The following ABCB5 variants were observed in gnomAD, a reference collection of about 807,000 sequenced individuals.
ABCB5 encodes ATP-binding cassette sub-family B member 5.
ABCB5 carries 155 observed loss-of-function variants against 144.2 expected under a neutral mutation model. That is an observed-to-expected ratio of 1.08 (90% CI 0.94 to 1.23). The LOEUF (loss-of-function observed/expected upper bound fraction) is 1.23, where lower values mean the gene tolerates loss of function less well. ABCB5 is among the 50% of genes most tolerant of loss of function. ABCB5 has a pLI of 0.00. For synonymous variants in ABCB5, 610 were observed against 528.6 expected, an observed-to-expected ratio of 1.15 and a Z score of -2.11; for missense variants, 1,830 against 1,520.8, an observed-to-expected ratio of 1.20 and a Z score of -3.38.
chr7:20,651,143 T>A lies in ABCB5; in HGVS notation c.1333-277T>A, dbSNP rs550494038. 2.4e-4 allele frequency among the ~76,000 whole-genome samples: 37 copies of A among 152,252 alleles called. 1 individual carries two copies. The highest frequency in any genetic ancestry group is 2.3e-3 in the Admixed American group (35 of 15,288). On this transcript the variant is annotated intron_variant, in intron 12 of 27. Transcript: ENST00000404938. ...TAACATTTGCGGAACCTAGAGTATGTATCTTTATAATATCTAACTTGTGGA... is the reference window on the plus strand; with the variant it reads ...TAACATTTGCGGAACCTAGAGTATGAATCTTTATAATATCTAACTTGTGGA...
Position 20,742,912 on chromosome 7 carries a change from CTCTT to C in ABCB5, c.3065_3068del (p.Phe1022SerfsTer24). On this transcript the variant is annotated frameshift_variant, in exon 25 of 28. Coordinates refer to ENST00000404938, the MANE Select transcript of ABCB5 (RefSeq NM_001163941.2). LOFTEE classifies it high-confidence loss of function. ...AAGGGAATTTAGAGTTTCGAGAAGT[CTCTT>C]TCTTCTATCCATGTCGCCCAGATGT... 5 of 1,614,196 alleles carry C rather than the reference CTCTT, an allele frequency of 3.1e-6. No homozygotes were observed. Among genetic ancestry groups the C allele is most frequent in the Non-Finnish European group, 4.2e-6 (5 of 1,180,042 alleles).
chr7:20,695,260 G>A (rs1215188908), intron 16 of ABCB5, among the ~76,000 whole-genome samples: 1 of 151,804 alleles, frequency 6.6e-6, no homozygotes, highest in Non-Finnish European at 1.5e-5. Context: ...CTGAGAAGTA[G>A]TCCCACACAT....
intron 3 of ABCB5, among the ~76,000 whole-genome samples, chr7:20,628,183 G>A (rs943674935): frequency 4.1e-5 from 6 of 146,886 alleles, no homozygotes; most frequent in East Asian, 2.2e-4. Flanking sequence ...AACAGGCCCC[G>A]GTGTGTGATG....
intron 14 of ABCB5, among the ~76,000 whole-genome samples, chr7:20,669,723 T>TAAAA (rs35747177): frequency 6.1e-5 from 4 of 65,502 alleles, no homozygotes; most frequent in Non-Finnish European, 9.6e-5. Flanking sequence ...GAATGATCAA[T>TAAAA]AAAAAAAAAA....
chr7:20,681,010 CTT>C (rs1244401038), intron 14 of ABCB5, among the ~76,000 whole-genome samples: 254 of 6,544 alleles, frequency 0.039, 15 homozygotes, highest in African/African-American at 0.14. Flanking sequence ...TTCTTTCTTT[CTT>C]TCTTTCTTTC....
At position 20,738,123 on chromosome 7, in the gene ABCB5, T is replaced by C. The variant is rs1361262481; in HGVS notation, c.2868-860T>C. On this transcript the variant is annotated intron_variant, in intron 23 of 27. Transcript: ENST00000404938. ...GCACTGCAAACAAGCAACTGGGTTC[T>C]GTGATGACCCTTTACTGCCTAATGT... is the stretch of plus-strand genomic sequence containing the variant. Among the ~76,000 whole-genome samples the C allele has an allele frequency of 3.3e-5, 5 of 152,204 alleles. 1 individual carries two copies. Among genetic ancestry groups the C allele is most frequent in the African/African-American group, 1.2e-4 (5 of 41,458 alleles).
At chr7:20,623,368 C>T (rs765571226) in intron 2 of ABCB5, 30 bp downstream of exon 2, 1 of 1,494,982 alleles carries the variant, frequency 6.7e-7, no homozygotes. Context: ...TGTAAGTATG[C>T]TTCCACAACT....
At chr7:20,750,276 CTTGGCTCAAGA>C (rs902753705) in intron 26 of ABCB5, among the ~76,000 whole-genome samples, 30 of 152,104 alleles carry the variant, frequency 2.0e-4, no homozygotes, top group African/African-American at 5.3e-4. Context: ...ATCAACAGGA[CTTGGCTCAAGA>C]TTGTTTCTGG....
intron 13 of ABCB5, among the ~76,000 whole-genome samples, chr7:20,652,211 T>G (rs531732335): frequency 6.6e-6 from 1 of 152,280 alleles, no homozygotes; most frequent in South Asian, 2.1e-4. Context: ...ATTGGTTCTG[T>G]GACAAACCAC....
At chr7:20,731,580 T>C (rs1053031115) in intron 23 of ABCB5, among the ~76,000 whole-genome samples, 1 of 151,972 alleles carries the variant, frequency 6.6e-6, no homozygotes, top group Non-Finnish European at 1.5e-5. Flanking sequence ...CACAAGACCC[T>C]TATCCAATTA....
chr7:20,683,437 G>T (rs1785889664), intron 15 of ABCB5, among the ~76,000 whole-genome samples: 1 of 152,070 alleles, frequency 6.6e-6, no homozygotes, highest in African/African-American at 2.4e-5. Flanking sequence ...GAAATAACTG[G>T]TCGAATTAAG....
chr7:20,696,654 T>G (rs1786425456), intron 16 of ABCB5, among the ~76,000 whole-genome samples: 2 of 152,106 alleles, frequency 1.3e-5, no homozygotes, highest in African/African-American at 2.4e-5. Context: ...AGATATCACT[T>G]TTTAACTTTT....
intron 5 of ABCB5, among the ~76,000 whole-genome samples, chr7:20,637,623 T>C (rs1417877512): frequency 6.6e-6 from 1 of 152,160 alleles, no homozygotes; most frequent in African/African-American, 2.4e-5. Context: ...GTTCTCCATG[T>C]TGGTCAGGCT....
rs1388795578 is a variant in ABCB5, at chr7:20,756,142, T to C, written c.*518T>C. On this transcript the variant is annotated 3_prime_UTR_variant, in exon 28 of 28. Transcript: ENST00000404938. ...TCTCAATAAGTATTCACTATTTCTC[T>C]AAATTTTATTCTATTTTTTTGTTGA... 1.3e-5 allele frequency: 2 copies of C among 152,912 alleles called. No individual in the cohort carries two copies. Among genetic ancestry groups the C allele is most frequent in the Non-Finnish European group, 2.9e-5 (2 of 68,450 alleles). 9.5% of individuals were successfully genotyped at this position (152,912 alleles called of 1,614,324 possible).
chr7:20,638,824 G>C (rs1018022422), intron 5 of ABCB5, among the ~76,000 whole-genome samples: 3 of 152,160 alleles, frequency 2.0e-5, no homozygotes, highest in African/African-American at 7.2e-5. Context: ...TGTGAACACT[G>C]ATGTACACTT....
rs145446888 is a variant in ABCB5, at chr7:20,711,466, C to CTT, written c.2421+6671_2421+6672dup. ...AGTTTTTTCTTTCCATTCTTTCTTT[C>CTT]TTTTTTTTTTTTTGAGACACGGTCT... On this transcript the variant is annotated intron_variant, in intron 20 of 27. Coordinates refer to ENST00000404938, the MANE Select transcript of ABCB5 (RefSeq NM_001163941.2). Among the ~76,000 whole-genome samples, 220 of 135,580 alleles carry CTT rather than the reference C, an allele frequency of 1.6e-3. 10 individuals are homozygous for CTT. The highest frequency in any genetic ancestry group is 0.016 in the Admixed American group (212 of 13,650). 88.9% of individuals were successfully genotyped at this position (135,580 alleles called of 152,430 possible). A position where few individuals can be genotyped will look rare whatever the true frequency, so the allele number is the denominator to read the frequency against.
At chr7:20,642,903 T>C (rs1784324203) in intron 5 of ABCB5, among the ~76,000 whole-genome samples, 1 of 152,164 alleles carries the variant, frequency 6.6e-6, no homozygotes. Context: ...CAATGGAACT[T>C]TTTCATATGA....
chr7:20,682,919 G>T (rs902304570), intron 15 of ABCB5, among the ~76,000 whole-genome samples: 2 of 152,036 alleles, frequency 1.3e-5, no homozygotes, highest in Admixed American at 1.3e-4. Flanking sequence ...TCTCATTAGG[G>T]CACATTAATA....
At chr7:20,693,757 C>T (rs1023417252) in intron 16 of ABCB5, among the ~76,000 whole-genome samples, 11 of 151,622 alleles carry the variant, frequency 7.3e-5, no homozygotes, top group Non-Finnish European at 1.5e-4. Context: ...CAATATTGAA[C>T]TCACTGAGCA....
Sources: gnomAD v4.1 joint callset for allele counts (sites outside exome capture counted in the v4.1 genomes callset) on GRCh38, gnomAD v4.1.1 for gene constraint, MANE v1.5 for transcripts, NCBI Gene and HGNC (gene_info 2026-07-23, HGNC 2026-07-21) for gene names.